The following ZNF385D variants were observed in gnomAD, a reference collection of about 807,000 sequenced individuals.
ZNF385D encodes the protein zinc finger protein 659.
Under a neutral mutation model 35.8 loss-of-function variants are expected in ZNF385D, and 15 were observed. That is an observed-to-expected ratio of 0.42 (90% CI 0.28 to 0.64). The LOEUF is 0.64. ZNF385D is among the 30% of genes least tolerant of loss of function. The pLI, the probability that ZNF385D is intolerant of heterozygous loss-of-function variation, is 0.23. For missense variants in ZNF385D, 474 were observed against 494.6 expected, an observed-to-expected ratio of 0.96 and a Z score of 0.39; for synonymous variants, 212 against 186.8, an observed-to-expected ratio of 1.13 and a Z score of -1.10.
At chr3:22,246,932 T>C (rs1699815055) in intron 2 of ZNF385D, among the ~76,000 whole-genome samples, 1 of 152,090 alleles carries the variant, frequency 6.6e-6, no homozygotes, top group African/African-American at 2.4e-5. Context: ...ATTGTACCTT[T>C]TGTCAATCAT....
chr3:21,908,975 G>C (rs1575888848), intron 3 of ZNF385D, among the ~76,000 whole-genome samples: 1 of 151,896 alleles, frequency 6.6e-6, no homozygotes, highest in Non-Finnish European at 1.5e-5. Flanking sequence ...CTATTAAAAA[G>C]TTACAAGAAA....
intron 2 of ZNF385D, among the ~76,000 whole-genome samples, chr3:22,218,427 T>C (rs1424825810): frequency 2.0e-5 from 3 of 152,002 alleles, no homozygotes; most frequent in East Asian, 3.9e-4. Context: ...ATAATTTATT[T>C]GAAGACCCCT....
At chr3:21,681,922 C>A (rs2066924162) in intron 1 of ZNF385D, among the ~76,000 whole-genome samples, 1 of 151,922 alleles carries the variant, frequency 6.6e-6, no homozygotes, top group Non-Finnish European at 1.5e-5. Context: ...AGTTGGATAC[C>A]TGGAGTATGT....
intron 3 of ZNF385D, among the ~76,000 whole-genome samples, chr3:21,813,960 G>A (rs565372203): frequency 5.9e-5 from 9 of 152,242 alleles, no homozygotes; most frequent in South Asian, 2.1e-4. Context: ...GAGAAAGGTC[G>A]GGTTACCCAC....
intron 4 of ZNF385D, among the ~76,000 whole-genome samples, chr3:21,448,915 A>C (rs189043723): frequency 6.6e-6 from 1 of 152,314 alleles, no homozygotes; most frequent in African/African-American, 2.4e-5. Flanking sequence ...TTGAGAATAC[A>C]TTCATTGTAA....
rs1700672197 is a variant in ZNF385D, at chr3:21,420,099, GC to G, written c.*1114del. 1 of 151,914 alleles carries G rather than the reference GC, an allele frequency of 6.6e-6. No homozygotes were observed. The highest frequency in any genetic ancestry group is 2.4e-5 in the African/African-American group (1 of 41,360). The allele number at this position is 151,914 out of a possible 1,614,324, so 9.4% of individuals were successfully genotyped here. On this transcript the variant is annotated 3_prime_UTR_variant, in exon 8 of 8. Transcript: ENST00000281523. ...TATATTAATTGTTTATATCATGTCA[GC>G]AGGTAATCTAAAAAACAAGAAAAAC...
At chr3:22,145,194 C>CT (rs1704776447) in intron 3 of ZNF385D, among the ~76,000 whole-genome samples, 3 of 152,058 alleles carry the variant, frequency 2.0e-5, no homozygotes. Context: ...TTAATTTTAC[C>CT]TTCTTTATGG....
intron 3 of ZNF385D, among the ~76,000 whole-genome samples, chr3:21,861,691 G>A (rs1034124902): frequency 6.6e-6 from 1 of 152,136 alleles, no homozygotes; most frequent in African/African-American, 2.4e-5. Flanking sequence ...AGTAAATACT[G>A]TGGTTGTCTC....
intron 3 of ZNF385D, among the ~76,000 whole-genome samples, chr3:21,992,722 T>G (rs778259329): frequency 6.6e-6 from 1 of 152,190 alleles, no homozygotes; most frequent in Non-Finnish European, 1.5e-5. Flanking sequence ...CAAACATGTT[T>G]TACATAGCTT....
rs560982379 is a variant in ZNF385D at position 21,787,944 on chromosome 3, C to CAA, written c.326-122918_326-122917dup. 3.7e-4 allele frequency among the ~76,000 whole-genome samples: 28 copies of CAA among 75,382 alleles called. 1 individual carries two copies. The highest frequency in any genetic ancestry group is 4.0e-4 in the Non-Finnish European group (17 of 42,634). The allele number at this position is 75,382 out of a possible 152,430, so 49.5% of individuals were successfully genotyped here. Reference sequence around the variant, plus strand: ...GCGACAGAGCGAGACTTCGTCTCAACAAAAAAAAAAAAAAAAAAAAAAAAA... The same window carrying CAA: ...GCGACAGAGCGAGACTTCGTCTCAACAAAAAAAAAAAAAAAAAAAAAAAAAAA... On this transcript the variant is annotated intron_variant, in intron 3 of 5. Transcript: ENST00000494108.
intron 3 of ZNF385D, among the ~76,000 whole-genome samples, chr3:22,034,050 G>A (rs985353726): frequency 3.9e-5 from 6 of 152,122 alleles, no homozygotes; most frequent in African/African-American, 1.2e-4. Flanking sequence ...TGAGCAAACC[G>A]AGATGGTTAA....
chr3:22,031,438 C>T (rs1457628131), intron 3 of ZNF385D, among the ~76,000 whole-genome samples: 1 of 152,146 alleles, frequency 6.6e-6, no homozygotes, highest in Non-Finnish European at 1.5e-5. Flanking sequence ...ACCCGTAGAC[C>T]CAACACCATG....
At chr3:21,631,281 C>G (rs1436494451) in intron 2 of ZNF385D, among the ~76,000 whole-genome samples, 1 of 152,180 alleles carries the variant, frequency 6.6e-6, no homozygotes, top group African/African-American at 2.4e-5. Context: ...TTCTCCTCTC[C>G]TACCCTTCCA....
intron 3 of ZNF385D, among the ~76,000 whole-genome samples, chr3:22,111,732 T>G (rs1702547694): frequency 6.6e-6 from 1 of 152,172 alleles, no homozygotes; most frequent in Non-Finnish European, 1.5e-5. Context: ...AAACTTTTAT[T>G]TATTTTCTCT....
At chr3:21,839,700 C>T (rs926359756) in intron 3 of ZNF385D, among the ~76,000 whole-genome samples, 1 of 152,048 alleles carries the variant, frequency 6.6e-6, no homozygotes, top group African/African-American at 2.4e-5. Context: ...TAAGACTCAG[C>T]TGACAGAACA....
intron 3 of ZNF385D, among the ~76,000 whole-genome samples, chr3:21,549,074 A>G (rs2062480982): frequency 6.6e-6 from 1 of 152,234 alleles, no homozygotes; most frequent in African/African-American, 2.4e-5. Flanking sequence ...TGTAAAGTCA[A>G]CTTTGCCTTT....
intron 3 of ZNF385D, among the ~76,000 whole-genome samples, chr3:21,905,067 C>A (rs73129336): frequency 0.012 from 1,821 of 151,796 alleles, 31 homozygotes; most frequent in African/African-American, 0.042. Flanking sequence ...AGAAGTTGAA[C>A]ACATCTTTGA....
chr3:21,466,472 A>G (rs1300679276), intron 4 of ZNF385D, among the ~76,000 whole-genome samples: 1 of 152,170 alleles, frequency 6.6e-6, no homozygotes, highest in Non-Finnish European at 1.5e-5. Context: ...TTTTTCTATG[A>G]AGCCTTCAAG....
At chr3:21,830,714 G>T (rs73144847) in intron 3 of ZNF385D, among the ~76,000 whole-genome samples, 2 of 152,228 alleles carry the variant, frequency 1.3e-5, no homozygotes, top group East Asian at 1.9e-4. Context: ...AGTGTTCCTT[G>T]TTGTGATTTC....
Sources: allele counts gnomAD v4.1 joint callset (sites outside exome capture counted in the v4.1 genomes callset), GRCh38; gene constraint gnomAD v4.1.1; transcripts MANE v1.5; gene names NCBI Gene and HGNC (gene_info 2026-07-23, HGNC 2026-07-21).